The following AOPEP variants were observed in gnomAD, a reference collection of about 807,000 sequenced individuals.
The protein encoded by AOPEP is aminopeptidase O (putative), also known as aminopeptidase O.
AOPEP carries 77 observed loss-of-function variants against 98.1 expected under a neutral mutation model. The ratio of observed to expected loss-of-function variants is 0.78; its 90% CI spans 0.65 to 0.95. The LOEUF is 0.95. Ranked by LOEUF, AOPEP falls within the 40% of genes least tolerant of loss-of-function variation. AOPEP has a pLI of 0.00. For synonymous variants in AOPEP, 346 were observed against 365.3 expected (o/e 0.95, Z 0.60); for missense variants, 1,024 against 1,024.7 (o/e 1.00, Z 0.01).
chr9:94,810,650 G>A (rs970237476), intron 5 of AOPEP, among the ~76,000 whole-genome samples: 1 of 152,084 alleles, frequency 6.6e-6, no homozygotes, highest in Non-Finnish European at 1.5e-5. Flanking sequence ...AGGCATGGGG[G>A]TGATTCAGTT....
the AOPEP span, among the ~76,000 whole-genome samples, chr9:95,108,952 C>G: frequency 6.6e-6 from 1 of 151,528 alleles, no homozygotes; most frequent in Admixed American, 6.6e-5. Context: ...GTCACCCAGG[C>G]TGGAATGCAG....
intron 11 of AOPEP, among the ~76,000 whole-genome samples, chr9:94,996,391 T>TGTGAGAGA (rs375605056): frequency 7.6e-5 from 11 of 144,558 alleles, no homozygotes; most frequent in African/African-American, 2.9e-4. Context: ...TGTGTGTGTG[T>TGTGAGAGA]GAGAGAGAGA....
At chr9:95,018,256 G>C (rs1020328270) in intron 13 of AOPEP, among the ~76,000 whole-genome samples, 2 of 152,200 alleles carry the variant, frequency 1.3e-5, no homozygotes, top group African/African-American at 2.4e-5. Context: ...CACCAGCAGT[G>C]TTTAAGGTTT....
intron 13 of AOPEP, among the ~76,000 whole-genome samples, chr9:95,036,702 CT>C (rs58616523): frequency 2.2e-5 from 3 of 135,830 alleles, no homozygotes; most frequent in African/African-American, 5.3e-5. Flanking sequence ...TCTTCTTCTT[CT>C]TTTTTTTTTG....
chr9:94,765,439 A>AAAAAATAAT (rs1554706555), intron 2 of AOPEP, among the ~76,000 whole-genome samples: 1 of 123,820 alleles, frequency 8.1e-6, no homozygotes, highest in African/African-American at 3.1e-5. Context: ...TTCTCTACAA[A>AAAAAATAAT]AATAATAATA....
rs371326494 is a variant in AOPEP at position 94,773,218 on chromosome 9, C to A, written c.964+50C>A. On this transcript the variant is annotated intron_variant, in intron 3 of 16. Transcript: ENST00000375315. Reference sequence around the variant, plus strand: ...ATTTATGTATTGCACACATGTGGACCCAGGAACCCAATAAACAGTATTTTT... The same window carrying A: ...ATTTATGTATTGCACACATGTGGACACAGGAACCCAATAAACAGTATTTTT... The A allele has an allele frequency of 5.1e-5, 75 of 1,480,890 alleles. No individual in the cohort carries two copies. In the African/African-American group the frequency reaches 9.8e-4, roughly 19 times the overall value. The allele number at this position is 1,480,890 out of a possible 1,614,324, so 91.7% of individuals were successfully genotyped here.
chr9:95,119,555 G>A, the AOPEP span, among the ~76,000 whole-genome samples: 17 of 151,870 alleles, frequency 1.1e-4, no homozygotes, highest in Non-Finnish European at 2.1e-4. Flanking sequence ...TAGTAGAGAC[G>A]GGGTTTCACT....
chr9:94,898,691 C>T (rs2136190230), intron 5 of AOPEP, among the ~76,000 whole-genome samples: 1 of 149,988 alleles, frequency 6.7e-6, no homozygotes, highest in African/African-American at 2.4e-5. Flanking sequence ...TGCCTGTAAT[C>T]CCAGCACTTT....
At position 94,887,745 on chromosome 9, in the gene AOPEP, G is replaced by C. The variant is rs770371631; in HGVS notation, c.1365-36241G>C. Among the ~76,000 whole-genome samples, 8 of 152,328 alleles carry C rather than the reference G, an allele frequency of 5.3e-5. No homozygotes were observed. The South Asian group carries it at 6.2e-4, about 12-fold the overall frequency. ...GTCCTCTCTTTCCTGTCCACGGGCA[G>C]ACAGGACAGATAGACCTGTGCACAG... On this transcript the variant is annotated intron_variant, in intron 5 of 16. Coordinates refer to ENST00000375315, the MANE Select transcript of AOPEP (RefSeq NM_001193329.3).
At chr9:95,011,547 C>T (rs994438947) in intron 13 of AOPEP, among the ~76,000 whole-genome samples, 9 of 152,160 alleles carry the variant, frequency 5.9e-5, no homozygotes, top group African/African-American at 1.9e-4. Flanking sequence ...TGGTAACTCA[C>T]GCCTGTAATC....
chr9:94,799,872 A>G (rs1451201310), intron 4 of AOPEP, among the ~76,000 whole-genome samples: 1 of 152,186 alleles, frequency 6.6e-6, no homozygotes, highest in Non-Finnish European at 1.5e-5. Context: ...AAAAAAAAAA[A>G]AAATAATGAA....
At chr9:95,022,214 C>T (rs906677846) in intron 13 of AOPEP, 2 of 152,116 alleles carry the variant, frequency 1.3e-5, no homozygotes, top group African/African-American at 4.8e-5. Context: ...AAATGATGTT[C>T]CAGGTGTCTA....
At chr9:94,929,233 G>T (rs1285549617) in intron 7 of AOPEP, among the ~76,000 whole-genome samples, 1 of 152,172 alleles carries the variant, frequency 6.6e-6, no homozygotes, top group Non-Finnish European at 1.5e-5. Context: ...TTGGTAATCT[G>T]CCATCAAACA....
chr9:95,149,335 A>T, the AOPEP span, among the ~76,000 whole-genome samples: 4 of 152,150 alleles, frequency 2.6e-5, no homozygotes, highest in African/African-American at 9.7e-5. Context: ...ACTACTGGGG[A>T]CTGAGCTTAA....
intron 4 of AOPEP, among the ~76,000 whole-genome samples, chr9:94,798,470 G>T (rs535999561): frequency 4.1e-4 from 62 of 152,202 alleles, no homozygotes; most frequent in African/African-American, 1.4e-3. Context: ...AAATTCATCC[G>T]GCCAAACACT....
At chr9:94,752,255 G>A (rs1835967446) in intron 1 of AOPEP, among the ~76,000 whole-genome samples, 1 of 151,860 alleles carries the variant, frequency 6.6e-6, no homozygotes, top group Non-Finnish European at 1.5e-5. Flanking sequence ...ATAGTCTGTG[G>A]GCTTCTGGCC....
the AOPEP span, chr9:95,099,836 C>T: frequency 0.39 from 90,046 of 232,466 alleles, 18,478 homozygotes; most frequent in East Asian, 0.57. Flanking sequence ...AGGAAGAAGT[C>T]TTCCAGATGC....
chr9:94,783,835 A>G (rs953245663), intron 3 of AOPEP, among the ~76,000 whole-genome samples: 4 of 152,192 alleles, frequency 2.6e-5, no homozygotes, highest in Non-Finnish European at 4.4e-5. Context: ...TTCCAAAGTA[A>G]TCATAACATA....
At chr9:94,738,055 C>T (rs1235560123) in intron 1 of AOPEP, among the ~76,000 whole-genome samples, 2 of 152,188 alleles carry the variant, frequency 1.3e-5, no homozygotes, top group East Asian at 3.8e-4. Flanking sequence ...CCTCAGTTTA[C>T]TTATCTGTAA....
Sources: gnomAD v4.1 joint callset for allele counts (sites outside exome capture counted in the v4.1 genomes callset) on GRCh38, gnomAD v4.1.1 for gene constraint, MANE v1.5 for transcripts, NCBI Gene and HGNC (gene_info 2026-07-23, HGNC 2026-07-21) for gene names.